The following PPP4R2 variants were observed in gnomAD, a reference collection of about 807,000 sequenced individuals.
The protein encoded by PPP4R2 is serine/threonine-protein phosphatase 4 regulatory subunit 2.
In PPP4R2, 13 loss-of-function variants were observed where a neutral mutation model predicts 47.2. The ratio of observed to expected loss-of-function variants is 0.28; its 90% CI spans 0.18 to 0.44. The LOEUF (loss-of-function observed/expected upper bound fraction) is 0.44, where lower values mean the gene tolerates loss of function less well. PPP4R2 is among the 20% of genes least tolerant of loss of function. The pLI is 1.00. For synonymous variants in PPP4R2, 151 were observed against 163.3 expected (o/e 0.92, Z 0.57); for missense variants, 421 against 491.2 (o/e 0.86, Z 1.35).
intron 7 of PPP4R2, 112 bp downstream of exon 7, chr3:73,064,258 C>A: frequency 1.1e-6 from 1 of 943,456 alleles, no homozygotes; most frequent in Non-Finnish European, 1.6e-6. Flanking sequence ...ACAAGGTTTT[C>A]ATGCGGTTTA....
At chr3:73,019,326 A>G (rs1701912977) in intron 2 of PPP4R2, among the ~76,000 whole-genome samples, 2 of 152,218 alleles carry the variant, frequency 1.3e-5, no homozygotes, top group Non-Finnish European at 1.5e-5. Context: ...ACATCACTGT[A>G]GATGAAAAAC....
intron 4 of PPP4R2, 106 bp from the exon 5 acceptor site, chr3:73,060,917 A>G (rs903434349): frequency 6.0e-6 from 4 of 667,446 alleles, no homozygotes; most frequent in Non-Finnish European, 9.5e-6. Context: ...CAAAATTAGA[A>G]TCAATGGGAA....
In PPP4R2 at chr3:72,996,914, C is replaced by CT; in HGVS notation, c.-124_-123insT. ...CCCGGCTCCCTTCGTTTCCCCCCCC[C>CT]GGTCGCCTGCGTGCCGGAGTGTGTG... On this transcript the variant is annotated 5_prime_UTR_variant, in exon 1 of 9. Transcript: ENST00000356692. 1.7e-6 allele frequency: 1 copy of CT among 602,616 alleles called. No individual in the cohort carries two copies. The highest frequency in any genetic ancestry group is 4.3e-5 in the Admixed American group (1 of 23,030). 37.3% of individuals were successfully genotyped at this position (602,616 alleles called of 1,614,324 possible).
chr3:73,055,351 AAGACCCATG>A (rs1254804965), intron 3 of PPP4R2, among the ~76,000 whole-genome samples: 3 of 151,962 alleles, frequency 2.0e-5, no homozygotes, highest in Non-Finnish European at 4.4e-5. Flanking sequence ...GTTTTCAGAC[AAGACCCATG>A]AGACCCATGA....
chr3:73,055,924 A>G (rs1702723899), intron 3 of PPP4R2, among the ~76,000 whole-genome samples: 1 of 152,102 alleles, frequency 6.6e-6, no homozygotes, highest in South Asian at 2.1e-4. Context: ...TTTATTTTAC[A>G]GTATAACTTT....
At chr3:73,064,383 TATG>T (rs537119910) in intron 7 of PPP4R2, among the ~76,000 whole-genome samples, 212 of 152,330 alleles carry the variant, frequency 1.4e-3, no homozygotes, top group Admixed American at 2.5e-3. Flanking sequence ...GTAACGTAGA[TATG>T]ATGATCCATT....
At chr3:73,056,405 A>G (rs1702732913) in intron 3 of PPP4R2, among the ~76,000 whole-genome samples, 1 of 152,242 alleles carries the variant, frequency 6.6e-6, no homozygotes, top group Admixed American at 6.5e-5. Flanking sequence ...TTTATGGAAT[A>G]AGTTTAAAAG....
At chr3:73,049,353 G>A (rs1183933308) in intron 3 of PPP4R2, among the ~76,000 whole-genome samples, 1 of 152,026 alleles carries the variant, frequency 6.6e-6, no homozygotes, top group Non-Finnish European at 1.5e-5. Context: ...AGAAAAATCA[G>A]CTGGGCGTTG....
chr3:73,005,833 C>CAAAA (rs71623999), intron 2 of PPP4R2, among the ~76,000 whole-genome samples: 7 of 121,784 alleles, frequency 5.7e-5, no homozygotes, highest in Admixed American at 8.4e-5. Context: ...ACTCTGTCTG[C>CAAAA]AAAAAAAAAA....
At chr3:73,023,315 T>C (rs1023879375) in intron 2 of PPP4R2, among the ~76,000 whole-genome samples, 2 of 151,918 alleles carry the variant, frequency 1.3e-5, no homozygotes, top group Non-Finnish European at 2.9e-5. Context: ...GCCTCCCGAG[T>C]AGCTCAGATT....
intron 2 of PPP4R2, among the ~76,000 whole-genome samples, chr3:73,045,415 T>A (rs1702461486): frequency 6.6e-6 from 1 of 152,204 alleles, no homozygotes; most frequent in South Asian, 2.1e-4. Context: ...TTTAGTTTTT[T>A]GCTTAGAAGT....
intron 4 of PPP4R2, 39 bp from the exon 5 acceptor site, chr3:73,060,984 C>G: frequency 6.9e-7 from 1 of 1,455,996 alleles, no homozygotes; most frequent in Non-Finnish European, 9.4e-7. Context: ...TGTTGTAGTA[C>G]TTTTCTTCAT....
chr3:73,039,331 T>C (rs9856784), intron 2 of PPP4R2, among the ~76,000 whole-genome samples: 79,770 of 151,430 alleles, frequency 0.53, 21,335 homozygotes, highest in African/African-American at 0.62. Flanking sequence ...CCATGTTGGC[T>C]AGGCTGGTCT....
chr3:73,050,826 T>C (rs2107317633), intron 3 of PPP4R2, among the ~76,000 whole-genome samples: 1 of 152,378 alleles, frequency 6.6e-6, no homozygotes. Context: ...TTTTTGGCTG[T>C]TAACAAGCAG....
chr3:73,062,086 G>C (rs1702872047), intron 5 of PPP4R2: 1 of 1,537,058 alleles, frequency 6.5e-7, no homozygotes, highest in African/African-American at 1.4e-5. Flanking sequence ...CTAATAATGG[G>C]TTATTTTCTT....
chr3:73,017,318 G>A (rs763897415), intron 2 of PPP4R2, among the ~76,000 whole-genome samples: 6 of 150,720 alleles, frequency 4.0e-5, no homozygotes, highest in Admixed American at 6.6e-5. Flanking sequence ...AACCATAGAG[G>A]TATACCTAAC....
At chr3:73,029,648 A>G (rs761539287) in intron 2 of PPP4R2, among the ~76,000 whole-genome samples, 8 of 152,168 alleles carry the variant, frequency 5.3e-5, no homozygotes, top group Non-Finnish European at 7.4e-5. Context: ...ACTTGGCCAA[A>G]TGGTTGGGTG....
chr3:73,004,197 C>G (rs1366074314), intron 2 of PPP4R2, among the ~76,000 whole-genome samples: 1 of 142,182 alleles, frequency 7.0e-6, no homozygotes, highest in South Asian at 2.2e-4. Context: ...TTTTTTTTTG[C>G]CCCCCTTTTT....
At position 73,047,376 on chromosome 3, in the gene PPP4R2, T is replaced by G. The variant is rs758391456; in HGVS notation, c.287+20T>G. On this transcript the variant is annotated intron_variant, in intron 3 of 8. Transcript: ENST00000356692. ...TAATGGGTATGCACTTAATACTGTT[T>G]TAAAGATTTAATTTTTAGCAGAAGA... The G allele has an allele frequency of 1.4e-6, 2 of 1,477,752 alleles. No homozygotes were observed. The allele number at this position is 1,477,752 out of a possible 1,614,324, so 91.5% of individuals were successfully genotyped here.
Sources: gnomAD v4.1 joint callset for allele counts (sites outside exome capture counted in the v4.1 genomes callset) on GRCh38, gnomAD v4.1.1 for gene constraint, MANE v1.5 for transcripts, NCBI Gene and HGNC (gene_info 2026-07-23, HGNC 2026-07-21) for gene names.